The following PPP2R5A variants were observed in gnomAD, a reference collection of about 807,000 sequenced individuals.
PPP2R5A encodes serine/threonine-protein phosphatase 2A 56 kDa regulatory subunit alpha isoform.
PPP2R5A carries 25 observed loss-of-function variants against 64.2 expected under a neutral mutation model. The observed-to-expected ratio is 0.39, with a 90% CI of 0.28 to 0.54. PPP2R5A has a LOEUF of 0.54. Ranked by LOEUF, PPP2R5A falls within the 20% of genes least tolerant of loss-of-function variation. The pLI is 0.67. For missense variants in PPP2R5A, 425 were observed against 576.3 expected (o/e 0.74, Z 2.69); for synonymous variants, 198 against 201.2 (o/e 0.98, Z 0.13).
intron 2 of PPP2R5A, among the ~76,000 whole-genome samples, chr1:212,330,735 C>T (rs1377805298): frequency 6.6e-6 from 1 of 151,842 alleles, no homozygotes; most frequent in Non-Finnish European, 1.5e-5. Flanking sequence ...TAAGTTTGGC[C>T]CTACTATAGT....
chr1:212,304,138 T>A (rs1248475069), intron 1 of PPP2R5A, among the ~76,000 whole-genome samples: 1 of 152,252 alleles, frequency 6.6e-6, no homozygotes, highest in Non-Finnish European at 1.5e-5. Context: ...TCATTTTCAT[T>A]TGTCTCAACG....
chr1:212,335,817 A>G (rs1205532423), intron 3 of PPP2R5A, among the ~76,000 whole-genome samples: 1 of 152,238 alleles, frequency 6.6e-6, no homozygotes, highest in Non-Finnish European at 1.5e-5. Context: ...TCATTAGCTG[A>G]TAAGTTGATA....
intron 8 of PPP2R5A, 70 bp from the exon 9 acceptor site, chr1:212,356,556 G>A (rs1659980692): frequency 7.0e-7 from 1 of 1,425,176 alleles, no homozygotes; most frequent in Non-Finnish European, 9.7e-7. Context: ...TATAATCACA[G>A]CTATGGAAAA....
At chr1:212,324,362 A>G (rs1213646875) in intron 1 of PPP2R5A, among the ~76,000 whole-genome samples, 3 of 152,214 alleles carry the variant, frequency 2.0e-5, no homozygotes, top group African/African-American at 7.2e-5. Flanking sequence ...ACCATCACAT[A>G]AGCAGTCTGT....
intron 1 of PPP2R5A, among the ~76,000 whole-genome samples, chr1:212,305,122 C>T (rs569619955): frequency 8.7e-5 from 13 of 149,460 alleles, no homozygotes; most frequent in Admixed American, 2.7e-4. Flanking sequence ...CTGCAAGCTC[C>T]GCCTCCCGGG....
chr1:212,321,105 G>A (rs1404670215), intron 1 of PPP2R5A, among the ~76,000 whole-genome samples: 3 of 134,008 alleles, frequency 2.2e-5, no homozygotes, highest in African/African-American at 5.9e-5. Context: ...GCGGCTGGCC[G>A]GGCAGAGGGG....
At chr1:212,306,360 G>GC (rs199738352) in intron 1 of PPP2R5A, among the ~76,000 whole-genome samples, 3 of 151,400 alleles carry the variant, frequency 2.0e-5, no homozygotes, top group African/African-American at 7.3e-5. Flanking sequence ...AAGAATGGAG[G>GC]GGGGGTAACT....
At chr1:212,354,671 T>C (rs1353122414) in intron 8 of PPP2R5A, among the ~76,000 whole-genome samples, 1 of 151,334 alleles carries the variant, frequency 6.6e-6, no homozygotes, top group Non-Finnish European at 1.5e-5. Flanking sequence ...ATCATGTCAC[T>C]ACACTCCAGC....
intron 8 of PPP2R5A, among the ~76,000 whole-genome samples, chr1:212,353,950 C>T (rs71646158): frequency 0.13 from 19,720 of 152,042 alleles, 1,611 homozygotes; most frequent in South Asian, 0.22. Flanking sequence ...TTTGAGAGGC[C>T]GAGGCGGGTA....
chr1:212,351,107 A>C (rs898916455), intron 8 of PPP2R5A, among the ~76,000 whole-genome samples: 76 of 148,330 alleles, frequency 5.1e-4, no homozygotes, highest in African/African-American at 1.7e-3. Flanking sequence ...TGACACAAAA[A>C]AAAAAACAAA....
At chr1:212,310,970 G>A (rs906264696) in intron 1 of PPP2R5A, among the ~76,000 whole-genome samples, 2 of 152,166 alleles carry the variant, frequency 1.3e-5, no homozygotes, top group Admixed American at 6.5e-5. Context: ...CAAGGGGGAA[G>A]GAGCTCTCTT....
chr1:212,321,474 T>A (rs1182992648), intron 1 of PPP2R5A, among the ~76,000 whole-genome samples: 5 of 118,300 alleles, frequency 4.2e-5, no homozygotes, highest in Non-Finnish European at 1.7e-5. Flanking sequence ...TCTCAGACGG[T>A]GTGGCTGCCG....
At position 212,360,719 on chromosome 1, in the gene PPP2R5A, G is replaced by A. The variant is rs775993907; in HGVS notation, c.1410G>A (p.Gln470=). Residue 470 remains glutamine, a synonymous_variant, in exon 13 of 13, where the codon CAG becomes CAA. Coordinates refer to ENST00000261461, the MANE Select transcript of PPP2R5A (RefSeq NM_006243.4). The part of the protein sequence containing the change: ...ELKLKKALEK[Q]NSAYNMHSIL... ...AGCTAAAGAAAGCTCTAGAAAAACA[G>A]AATAGTGCTTACAACATGCACAGTA... The A allele has an allele frequency of 1.2e-6, 2 of 1,600,666 alleles. No homozygotes were observed. Among genetic ancestry groups the A allele is most frequent in the Non-Finnish European group, 1.7e-6 (2 of 1,174,684 alleles).
intron 3 of PPP2R5A, among the ~76,000 whole-genome samples, chr1:212,339,683 A>T (rs973440014): frequency 4.6e-5 from 7 of 152,188 alleles, no homozygotes; most frequent in Non-Finnish European, 1.0e-4. Flanking sequence ...AATTATATAT[A>T]TGGTTTAGAG....
At chr1:212,322,602 A>G (rs926723810) in intron 1 of PPP2R5A, among the ~76,000 whole-genome samples, 7 of 152,204 alleles carry the variant, frequency 4.6e-5, no homozygotes, top group Non-Finnish European at 8.8e-5. Context: ...AGTACATGAC[A>G]GCAGCTTCGC....
intron 1 of PPP2R5A, chr1:212,302,123 T>A: frequency 1.3e-6 from 2 of 1,484,276 alleles, no homozygotes; most frequent in South Asian, 2.4e-5. Flanking sequence ...GTGTTCTACT[T>A]GGTATTTGAA....
chr1:212,353,698 AAAC>A (rs892334297), intron 8 of PPP2R5A, among the ~76,000 whole-genome samples: 1 of 152,194 alleles, frequency 6.6e-6, no homozygotes, highest in Admixed American at 6.5e-5. Flanking sequence ...CCCACCAAAA[AAAC>A]AATTCTTATT....
chr1:212,289,860 A>G (rs1658569759), intron 1 of PPP2R5A, among the ~76,000 whole-genome samples: 2 of 152,214 alleles, frequency 1.3e-5, no homozygotes, highest in Admixed American at 6.5e-5. Context: ...GATATGATTT[A>G]TGTGATCTGA....
chr1:212,287,377 C>G (rs1366711886), intron 1 of PPP2R5A, among the ~76,000 whole-genome samples: 1 of 152,208 alleles, frequency 6.6e-6, no homozygotes, highest in Non-Finnish European at 1.5e-5. Context: ...AAAGCTGCAG[C>G]ATCCCCTTCA....
Sources: gnomAD v4.1 joint callset for allele counts (sites outside exome capture counted in the v4.1 genomes callset) on GRCh38, gnomAD v4.1.1 for gene constraint, MANE v1.5 for transcripts, NCBI Gene and HGNC (gene_info 2026-07-23, HGNC 2026-07-21) for gene names.